REDIC1: variants seen among roughly 807,000 people sequenced by gnomAD.
REDIC1 encodes regulator of DNA class I crossover intermediates 1.
At chr12:39,790,545 G>A in the REDIC1 span, among the ~76,000 whole-genome samples, 1 of 149,294 alleles carries the variant, frequency 6.7e-6, no homozygotes, top group South Asian at 2.2e-4. Flanking sequence ...CAAAGGACAT[G>A]AACTCATCCT....
the REDIC1 span, among the ~76,000 whole-genome samples, chr12:39,802,686 T>C: frequency 6.6e-6 from 1 of 152,188 alleles, no homozygotes; most frequent in African/African-American, 2.4e-5. Context: ...TATATGTCTA[T>C]GTATACACAC....
chr12:39,882,439 A>G, the REDIC1 span, among the ~76,000 whole-genome samples: 2 of 152,128 alleles, frequency 1.3e-5, no homozygotes, highest in Non-Finnish European at 2.9e-5. Flanking sequence ...ATAAATTCCA[A>G]CTCTACCTAT....
the REDIC1 span, among the ~76,000 whole-genome samples, chr12:39,837,924 T>G: frequency 1.1e-4 from 17 of 150,940 alleles, no homozygotes; most frequent in Non-Finnish European, 2.2e-4. Flanking sequence ...ATTGTGGAAG[T>G]CAGTGTGGCG....
At chr12:39,814,398 C>T in the REDIC1 span, among the ~76,000 whole-genome samples, 2 of 152,118 alleles carry the variant, frequency 1.3e-5, no homozygotes, top group South Asian at 4.1e-4. Context: ...AACATCTATT[C>T]CTTTAAGAAC....
chr12:39,839,150 T>C, the REDIC1 span, among the ~76,000 whole-genome samples: 1 of 152,148 alleles, frequency 6.6e-6, no homozygotes, highest in Non-Finnish European at 1.5e-5. Context: ...CTCACCAGCT[T>C]CAGCAGGTGA....
the REDIC1 span, among the ~76,000 whole-genome samples, chr12:39,714,387 A>G: frequency 1.8e-5 from 1 of 54,246 alleles, no homozygotes; most frequent in Non-Finnish European, 5.7e-5. Context: ...ATATGTGTAT[A>G]TGTATATATG....
chr12:39,687,463 A>G, the REDIC1 span, among the ~76,000 whole-genome samples: 131,893 of 152,162 alleles, frequency 0.87, 57,420 homozygotes, highest in African/African-American at 0.92. Flanking sequence ...AACAGCAAAG[A>G]CAGGAGCAAG....
chr12:39,740,247 G>C, the REDIC1 span, among the ~76,000 whole-genome samples: 1 of 152,182 alleles, frequency 6.6e-6, no homozygotes, highest in South Asian at 2.1e-4. Flanking sequence ...GAGTTGGGGG[G>C]AGTAGCACAG....
At chr12:39,838,783 A>T in the REDIC1 span, among the ~76,000 whole-genome samples, 8 of 152,118 alleles carry the variant, frequency 5.3e-5, no homozygotes, top group Non-Finnish European at 8.8e-5. Flanking sequence ...GAGTTAATTT[A>T]GAACATTTTT....
the REDIC1 span, among the ~76,000 whole-genome samples, chr12:39,699,551 C>T: frequency 2.0e-5 from 3 of 152,220 alleles, no homozygotes; most frequent in Non-Finnish European, 4.4e-5. Flanking sequence ...CCCAGGCTTG[C>T]TTAGGTAAAC....
chr12:39,742,942 A>G, the REDIC1 span, among the ~76,000 whole-genome samples: 2 of 152,288 alleles, frequency 1.3e-5, no homozygotes, highest in South Asian at 4.2e-4. Context: ...CCTAAACTGT[A>G]ATAGGCAAAT....
the REDIC1 span, chr12:39,756,776 A>G: frequency 6.6e-6 from 1 of 151,680 alleles, no homozygotes; most frequent in Admixed American, 6.6e-5. Flanking sequence ...AATTTCATAA[A>G]TTCCTTGCTT....
chr12:39,723,946 G>A, the REDIC1 span, among the ~76,000 whole-genome samples: 1,247 of 152,166 alleles, frequency 8.2e-3, 7 homozygotes, highest in Non-Finnish European at 0.014. Context: ...TGACAATATA[G>A]CAATGTAGCA....
chr12:39,896,182 A>G, the REDIC1 span, among the ~76,000 whole-genome samples: 1 of 148,842 alleles, frequency 6.7e-6, no homozygotes, highest in South Asian at 2.1e-4. Flanking sequence ...GAATATGTAT[A>G]TATGTATATA....
chr12:39,842,730 C>T, the REDIC1 span, among the ~76,000 whole-genome samples: 13 of 152,064 alleles, frequency 8.5e-5, no homozygotes, highest in Admixed American at 2.0e-4. Context: ...TATCCAATTC[C>T]GGAACATTTT....
At chr12:39,896,529 C>CATAT in the REDIC1 span, among the ~76,000 whole-genome samples, 5 of 140,254 alleles carry the variant, frequency 3.6e-5, no homozygotes, top group African/African-American at 1.1e-4. Flanking sequence ...TACATGTATA[C>CATAT]ATGTATGTAT....
chr12:39,795,194 C>G, the REDIC1 span, among the ~76,000 whole-genome samples: 2 of 150,966 alleles, frequency 1.3e-5, no homozygotes, highest in Non-Finnish European at 3.0e-5. Context: ...CTCCCCCCAC[C>G]TCTCTCTCTC....
the REDIC1 span, among the ~76,000 whole-genome samples, chr12:39,852,903 T>G: frequency 6.6e-6 from 1 of 152,184 alleles, no homozygotes; most frequent in African/African-American, 2.4e-5. Flanking sequence ...TTCATTCACA[T>G]AGGGTGTAAA....
chr12:39,877,422 C>T, the REDIC1 span, among the ~76,000 whole-genome samples: 1 of 152,180 alleles, frequency 6.6e-6, no homozygotes, highest in African/African-American at 2.4e-5. Context: ...CAATTACCTC[C>T]CATTGAGTCC....
Sources: gnomAD v4.1 joint callset for allele counts (sites outside exome capture counted in the v4.1 genomes callset) on GRCh38, gnomAD v4.1.1 for gene constraint, MANE v1.5 for transcripts, NCBI Gene and HGNC (gene_info 2026-07-23, HGNC 2026-07-21) for gene names.